Variants in CDH23 observed in about 807,000 individuals in gnomAD.
The protein encoded by CDH23 is cadherin-23.
Under a neutral mutation model 317.1 loss-of-function variants are expected in CDH23, and 189 were observed. The ratio of observed to expected loss-of-function variants is 0.60; its 90% CI spans 0.53 to 0.67. CDH23 has a LOEUF of 0.67. Among genes scored for constraint, CDH23 ranks in the 30% least tolerant of loss-of-function variants. The pLI is 0.00. For synonymous variants in CDH23, 1,839 were observed against 1,876.8 expected (o/e 0.98, Z 0.52); for missense variants, 4,401 against 4,592.4 (o/e 0.96, Z 1.20).
At chr10:71,807,136 C>A in intron 57 of CDH23, 141 bp from the exon 58 acceptor site, 1 of 1,084,352 alleles carries the variant, frequency 9.2e-7, no homozygotes, top group South Asian at 1.6e-5. Flanking sequence ...CTTGAGGTTA[C>A]AACGGTTCTA....
At position 71,712,302 on chromosome 10, in the gene CDH23, A is replaced by T. The variant is rs183297484; in HGVS notation, c.3221-363A>T. The stretch of plus-strand genomic sequence containing the variant: ...CAAAGGCCCTTTTCCCAAATAAATT[A>T]ATCTTCACAGGTTCCCAGGGGTTTA... On this transcript the variant is annotated intron_variant, in intron 27 of 69. Transcript: ENST00000224721. The T allele has an allele frequency of 5.6e-4, 109 of 195,938 alleles. 1 individual carries two copies. The highest frequency in any genetic ancestry group is 4.0e-3 in the Middle Eastern group (2 of 502). 12.1% of individuals were successfully genotyped at this position (195,938 alleles called of 1,614,324 possible). A position where few individuals can be genotyped will look rare whatever the true frequency, so the allele number is the denominator to read the frequency against.
At chr10:71,638,093 C>T (rs963727987) in intron 11 of CDH23, among the ~76,000 whole-genome samples, 4 of 152,124 alleles carry the variant, frequency 2.6e-5, no homozygotes, top group Admixed American at 2.0e-4. Context: ...TTACAAAACA[C>T]GGGGGAGCAG....
intron 11 of CDH23, among the ~76,000 whole-genome samples, chr10:71,620,823 C>T (rs1861431587): frequency 6.6e-6 from 1 of 152,208 alleles, no homozygotes. Context: ...ATGGGGCGGC[C>T]CCCAAACCAT....
At position 71,607,204 on chromosome 10, in the gene CDH23, G is replaced by C. The variant is rs1018351368; in HGVS notation, c.833-8300G>C. On this transcript the variant is annotated intron_variant, in intron 9 of 69. Transcript: ENST00000224721. ...TGGACAGCGATGGGCCTGCAAGCCA[G>C]CCTGCCCCAGGGGCGGGGGCTTAGG... Among the ~76,000 whole-genome samples the C allele has an allele frequency of 2.0e-5, 3 of 152,260 alleles. No homozygotes were observed. The East Asian group carries it at 5.8e-4, about 29-fold the overall frequency.
At chr10:71,798,730 C>T (rs953894132) in intron 50 of CDH23, among the ~76,000 whole-genome samples, 152 bp downstream of exon 50, 2 of 152,188 alleles carry the variant, frequency 1.3e-5, no homozygotes, top group Non-Finnish European at 2.9e-5. Context: ...GATGCCCAAA[C>T]CAGGGGAAGG....
rs1841916378 is a variant in CDH23, at chr10:71,811,335, A to G, written c.9098A>G (p.Glu3033Gly). ...CCCAGGGTGATCCAGATGATCGATG[A>G]GAACAAGGAGCAGCTACGGAATCTT... ...DVDRVIQMID[E>G]NKEQLRNLFR... Residue 3033 changes from glutamate (E) to glycine (G), a missense_variant, in exon 63 of 70, where the codon GAG becomes GGG. This residue lies in a region of CDH23 where 1,144 missense variants were observed against 1,138.2 expected (regional missense o/e 1.01). Coordinates refer to ENST00000224721, the MANE Select transcript of CDH23 (RefSeq NM_022124.6). The G allele has an allele frequency of 6.2e-6, 10 of 1,613,842 alleles. No individual in the cohort carries two copies. The highest frequency in any genetic ancestry group is 5.9e-6 in the Non-Finnish European group (7 of 1,179,840).
chr10:71,784,254 C>G (rs190902692), intron 41 of CDH23, 33 bp from the exon 42 acceptor site: 1 of 1,600,584 alleles, frequency 6.2e-7, no homozygotes, highest in East Asian at 2.2e-5. Context: ...TGCCAATGCC[C>G]GACTAACTTG....
intron 6 of CDH23, among the ~76,000 whole-genome samples, chr10:71,544,856 G>A (rs1261569886): frequency 6.6e-6 from 1 of 152,224 alleles, no homozygotes; most frequent in Admixed American, 6.5e-5. Context: ...GGAGCCCATC[G>A]AATGATGTTC....
intron 44 of CDH23, among the ~76,000 whole-genome samples, chr10:71,788,487 G>A (rs918971271): frequency 2.1e-4 from 32 of 151,488 alleles, no homozygotes; most frequent in Non-Finnish European, 4.4e-5. Context: ...ATGGAGTCTT[G>A]CTCTGTCATC....
At chr10:71,544,780 C>A (rs566691306) in intron 6 of CDH23, among the ~76,000 whole-genome samples, 4 of 152,212 alleles carry the variant, frequency 2.6e-5, no homozygotes, top group African/African-American at 4.8e-5. Context: ...GATAGTGCTC[C>A]GTTTTCTAAC....
At position 71,732,351 on chromosome 10, in the gene CDH23, C is replaced by G; in HGVS notation, c.4080C>G (p.Ala1360=). The G allele has an allele frequency of 6.4e-7, 1 of 1,574,642 alleles. No homozygotes were observed. The highest frequency in any genetic ancestry group is 8.6e-7 in the Non-Finnish European group (1 of 1,159,684). Residue 1360 remains alanine (A), a synonymous_variant, in exon 32 of 70, where the codon GCC becomes GCG. Coordinates refer to ENST00000224721, the MANE Select transcript of CDH23 (RefSeq NM_022124.6). The stretch of plus-strand genomic sequence containing the variant: ...CCTACACCAGCACCCAGGCCAAAGC[C>G]CTCTTCAAGATAGACGCCATCACGG... The part of the protein sequence containing the change: ...FNAYTSTQAK[A]LFKIDAITGV...
chr10:71,751,406 C>T lies in CDH23; in HGVS notation c.4845+9485C>T. ...TGAATGGGGGCCCCTCTGTCCCTCA[C>T]CCTCAACCCCACCCCGTGAGGCCGT... On this transcript the variant is annotated intron_variant, in intron 38 of 69. Transcript: ENST00000224721. This position sits in a 1 kb window ranked among gnomAD's most constrained non-coding sequence, Gnocchi z 4.9. 3.9e-6 allele frequency: 2 copies of T among 516,388 alleles called. No individual in the cohort carries two copies. Among genetic ancestry groups the T allele is most frequent in the South Asian group, 4.9e-5 (2 of 41,096 alleles). 32.0% of individuals were successfully genotyped at this position (516,388 alleles called of 1,614,324 possible). A position where few individuals can be genotyped will look rare whatever the true frequency, so the allele number is the denominator to read the frequency against.
At chr10:71,811,221 T>C (rs1589438113) in intron 62 of CDH23, 94 bp from the exon 63 acceptor site, 37 of 1,587,978 alleles carry the variant, frequency 2.3e-5, no homozygotes, top group Non-Finnish European at 2.8e-5. Flanking sequence ...CTTGGGGTTG[T>C]TGAACTTTGG....
rs753973412 is a variant in CDH23 at position 71,751,232 on chromosome 10, G to A, written c.4845+9311G>A. 6 of 1,603,748 alleles carry A rather than the reference G, an allele frequency of 3.7e-6. No individual in the cohort carries two copies. The highest frequency in any genetic ancestry group is 4.5e-5 in the East Asian group (2 of 44,592). ...ACCTGCCCCAGACCCAGCCACAACA[G>A]CCCACTGTCCCCCAGCTGGGCTAGA... On this transcript the variant is annotated intron_variant, in intron 38 of 69. Coordinates refer to ENST00000224721, the MANE Select transcript of CDH23 (RefSeq NM_022124.6). This position sits in a 1 kb window ranked among gnomAD's most constrained non-coding sequence, Gnocchi z 4.9.
At chr10:71,797,293 C>A in intron 49 of CDH23, 73 bp downstream of exon 49, 2 of 1,040,930 alleles carry the variant, frequency 1.9e-6, no homozygotes, top group Non-Finnish European at 2.9e-6. Flanking sequence ...GGGGAACAGG[C>A]ACTGGTCTGT....
In CDH23 at chr10:71,807,594, A is replaced by G; in HGVS notation, c.8387A>G (p.Glu2796Gly). The change falls in exon 59 of 70, where the codon GAA becomes GGA. Residue 2796 changes from glutamate to glycine, a missense_variant. This residue lies in a region of CDH23 where 1,144 missense variants were observed against 1,138.2 expected (regional missense o/e 1.01). Transcript: ENST00000224721. ...CTGCGGGACCTGGACCGGGAGCGAG[A>G]AGCCATCTTCTCCTTCATCGTCAAG... ...LVLRDLDRER[E>G]AIFSFIVKAS... is the part of the protein sequence containing the mutation. 6.2e-7 allele frequency: 1 copy of G among 1,613,968 alleles called. No individual in the cohort carries two copies. The highest frequency in any genetic ancestry group is 8.5e-7 in the Non-Finnish European group (1 of 1,179,880).
intron 9 of CDH23, 71 bp from the exon 10 acceptor site, chr10:71,615,432 GC>G: frequency 1.6e-5 from 16 of 985,324 alleles, no homozygotes; most frequent in South Asian, 4.0e-5. Context: ...CCAGCTCCAT[GC>G]CCCCCTGCCC....
chr10:71,766,018 AT>A (rs1840534352), intron 38 of CDH23, among the ~76,000 whole-genome samples: 1 of 152,210 alleles, frequency 6.6e-6, no homozygotes, highest in African/African-American at 2.4e-5. Flanking sequence ...ACTCGAAGGC[AT>A]GGCATGGGGG....
At chr10:71,764,387 CAT>C (rs1840477113) in intron 38 of CDH23, among the ~76,000 whole-genome samples, 1 of 152,110 alleles carries the variant, frequency 6.6e-6, no homozygotes, top group African/African-American at 2.4e-5. Context: ...AACTCAGACA[CAT>C]AGACACTATA....
Sources: allele counts gnomAD v4.1 joint callset (sites outside exome capture counted in the v4.1 genomes callset), GRCh38; gene constraint gnomAD v4.1.1; regional missense constraint gnomAD v4.1.1; non-coding constraint Gnocchi (gnomAD v3.1); transcripts MANE v1.5; gene names NCBI Gene and HGNC (gene_info 2026-07-23, HGNC 2026-07-21).